Variants in SLIT1 observed in about 807,000 individuals in gnomAD.
SLIT1 encodes the protein slit homolog 1 protein.
In SLIT1, 66 loss-of-function variants were observed where a neutral mutation model predicts 186.1. The ratio of observed to expected loss-of-function variants is 0.35; its 90% CI spans 0.29 to 0.44. The LOEUF is 0.44. Among genes scored for constraint, SLIT1 ranks in the 20% least tolerant of loss-of-function variants. SLIT1 has a pLI of 1.00. For missense variants in SLIT1, 1,638 were observed against 2,037.4 expected, an observed-to-expected ratio of 0.80 and a Z score of 3.77; for synonymous variants, 761 against 833.8, an observed-to-expected ratio of 0.91 and a Z score of 1.50.
At chr10:97,180,749 G>A (rs764323359) in intron 1 of SLIT1, among the ~76,000 whole-genome samples, 10 of 152,184 alleles carry the variant, frequency 6.6e-5, no homozygotes, top group Non-Finnish European at 8.8e-5. Flanking sequence ...GTAAATGAGC[G>A]CTCTAAACAG....
chr10:97,024,512 T>A (rs997138999), intron 25 of SLIT1, among the ~76,000 whole-genome samples: 3 of 152,250 alleles, frequency 2.0e-5, no homozygotes, highest in African/African-American at 7.2e-5. Flanking sequence ...TTCATTTTTT[T>A]CTTTCCTTAT....
chr10:97,154,859 T>C (rs1367589097), intron 4 of SLIT1: 1 of 152,272 alleles, frequency 6.6e-6, no homozygotes, highest in Non-Finnish European at 1.5e-5. Flanking sequence ...CTCATTAAAA[T>C]ATAGATGTCC....
intron 4 of SLIT1, among the ~76,000 whole-genome samples, chr10:97,107,040 T>C (rs1187215390): frequency 1.3e-5 from 2 of 152,258 alleles, no homozygotes; most frequent in Non-Finnish European, 2.9e-5. Flanking sequence ...GCAGTGACTC[T>C]GAGCTATCAG....
intron 6 of SLIT1, 143 bp from the exon 7 acceptor site, chr10:97,064,382 C>G: frequency 4.2e-6 from 3 of 714,700 alleles, no homozygotes; most frequent in Non-Finnish European, 7.5e-6. Flanking sequence ...AGCCGAAGAG[C>G]ATGAGGCATA....
At position 97,172,934 on chromosome 10, in the gene SLIT1, G is replaced by GGA. The variant is rs72293609; in HGVS notation, c.198-8046_198-8045dup. 2.9e-3 allele frequency among the ~76,000 whole-genome samples: 435 copies of GGA among 148,152 alleles called. 3 individuals are homozygous for GGA. Among genetic ancestry groups the GGA allele is most frequent in the African/African-American group, 9.6e-3 (383 of 40,028 alleles). On this transcript the variant is annotated intron_variant, in intron 1 of 36. Transcript: ENST00000266058. ...AGAAAGAAAGAGAGAAAGGAAGGAG[G>GGA]GAGAGAGAGAGAGAGAGAGAGAAGT...
Position 97,043,239 on chromosome 10 carries a change from G to A in SLIT1, c.1997+131C>T. The A allele has an allele frequency of 7.3e-7, 1 of 1,362,666 alleles. No individual in the cohort carries two copies. Among genetic ancestry groups the A allele is most frequent in the Non-Finnish European group, 1.0e-6 (1 of 977,454 alleles). The allele number at this position is 1,362,666 out of a possible 1,614,324, so 84.4% of individuals were successfully genotyped here. ...GAGGACCGGAGGGAGACTTCGAAAT[G>A]TGGAACCCACGTTTCAGCAAACCAC... On this transcript the variant is annotated intron_variant, in intron 19 of 36. Transcript: ENST00000266058. The surrounding 1 kb of genome is among the most constrained non-coding windows in gnomAD (Gnocchi z 7.0).
At chr10:97,020,515 G>A (rs899639084) in intron 26 of SLIT1, among the ~76,000 whole-genome samples, 15 of 152,236 alleles carry the variant, frequency 9.9e-5, no homozygotes, top group East Asian at 1.9e-4. Context: ...CAGGCCCCCC[G>A]GAGCCGTTAC....
intron 4 of SLIT1, among the ~76,000 whole-genome samples, chr10:97,090,108 A>G (rs568326662): frequency 6.6e-6 from 1 of 152,302 alleles, no homozygotes; most frequent in South Asian, 2.1e-4. Context: ...CCACGGGCTT[A>G]GGCAGAGCAG....
chr10:97,012,996 C>T (rs1164082649), intron 30 of SLIT1, among the ~76,000 whole-genome samples: 2 of 152,248 alleles, frequency 1.3e-5, no homozygotes, highest in Non-Finnish European at 2.9e-5. Flanking sequence ...AAGTAACAAA[C>T]ATTTTCACAT....
intron 8 of SLIT1, 36 bp downstream of exon 8, chr10:97,063,419 C>A: frequency 6.2e-7 from 1 of 1,610,068 alleles, no homozygotes; most frequent in Non-Finnish European, 8.5e-7. Context: ...CAGGAGGCGC[C>A]GGACAGTTGA....
intron 4 of SLIT1, among the ~76,000 whole-genome samples, chr10:97,088,221 C>T (rs997761417): frequency 6.6e-6 from 1 of 152,130 alleles, no homozygotes; most frequent in Non-Finnish European, 1.5e-5. Flanking sequence ...CCTCATTCTA[C>T]ACGTATGATC....
At chr10:97,116,121 G>A (rs1849507757) in intron 4 of SLIT1, among the ~76,000 whole-genome samples, 3 of 152,214 alleles carry the variant, frequency 2.0e-5, no homozygotes. Context: ...ACGGGCTGTT[G>A]AAAGATGAGA....
chr10:97,059,990 G>T (rs1043507002), intron 10 of SLIT1, 97 bp downstream of exon 10: 7 of 1,042,840 alleles, frequency 6.7e-6, no homozygotes, highest in Admixed American at 1.7e-5. Flanking sequence ...ACTCAGCTGT[G>T]GGGGGCTGAG....
chr10:97,047,644 TGGCAGTTAGG>T (rs1179027186), intron 16 of SLIT1, 36 bp downstream of exon 16: 2 of 1,537,302 alleles, frequency 1.3e-6, no homozygotes, highest in Non-Finnish European at 1.8e-6. Context: ...GGAGGGTTAG[TGGCAGTTAGG>T]GACAGGGGAG....
intron 4 of SLIT1, among the ~76,000 whole-genome samples, chr10:97,156,390 C>A (rs894825316): frequency 2.6e-5 from 4 of 152,084 alleles, no homozygotes; most frequent in Non-Finnish European, 4.4e-5. Context: ...CCAGCCTGGG[C>A]AACATGGCAA....
chr10:97,098,253 G>A (rs967942600), intron 4 of SLIT1, among the ~76,000 whole-genome samples: 3 of 152,200 alleles, frequency 2.0e-5, no homozygotes, highest in Non-Finnish European at 4.4e-5. Context: ...TGGGGCTCTC[G>A]CTATGGGCCG....
Position 97,050,430 on chromosome 10 carries a change from T to C in SLIT1, c.1302-1312A>G, listed in dbSNP as rs1185597188. On this transcript the variant is annotated intron_variant, in intron 13 of 36. Coordinates refer to ENST00000266058, the MANE Select transcript of SLIT1 (RefSeq NM_003061.3). ...TCTGGCCCCCCGGTTGGGAGCTGGG[T>C]CCCTGCCACCTCTCCTTTGCAGTGT... Among the ~76,000 whole-genome samples the C allele has an allele frequency of 2.0e-5, 3 of 152,202 alleles. No homozygotes were observed. The East Asian group carries it at 5.8e-4, about 29-fold the overall frequency.
At chr10:97,143,244 A>G (rs1849783606) in intron 4 of SLIT1, among the ~76,000 whole-genome samples, 1 of 152,244 alleles carries the variant, frequency 6.6e-6, no homozygotes, top group Non-Finnish European at 1.5e-5. Flanking sequence ...TGTCCATCAC[A>G]GATGAATGGA....
Position 97,001,103 on chromosome 10 carries a change from C to T in SLIT1, c.*9G>A, listed in dbSNP as rs146679652. 43 of 1,609,146 alleles carry T rather than the reference C, an allele frequency of 2.7e-5. No individual in the cohort carries two copies. Among genetic ancestry groups the T allele is most frequent in the African/African-American group, 5.3e-5 (4 of 74,962 alleles). On this transcript the variant is annotated 3_prime_UTR_variant, in exon 37 of 37. Coordinates refer to ENST00000266058, the MANE Select transcript of SLIT1 (RefSeq NM_003061.3). ...TTGCCCGCCCTCACCGGCCTGTCCA[C>T]GCCCAGCGCTATGCGCAGAGGGCAC...
Sources: gnomAD v4.1 joint callset for allele counts (sites outside exome capture counted in the v4.1 genomes callset) on GRCh38, gnomAD v4.1.1 for gene constraint, Gnocchi (gnomAD v3.1) non-coding constraint, MANE v1.5 for transcripts, NCBI Gene and HGNC (gene_info 2026-07-23, HGNC 2026-07-21) for gene names.